The following RBFOX1 variants were observed in gnomAD, a reference collection of about 807,000 sequenced individuals.
RBFOX1 encodes RNA binding fox-1 homolog 1, also known as RNA binding protein fox-1 homolog 1.
RBFOX1 carries 8 observed loss-of-function variants against 57.7 expected under a neutral mutation model. The observed-to-expected ratio is 0.14, with a 90% CI of 0.08 to 0.25. RBFOX1 has a LOEUF of 0.25. Ranked by LOEUF, RBFOX1 falls within the 10% of genes least tolerant of loss-of-function variation. RBFOX1 has a pLI of 1.00. For missense variants in RBFOX1, 611 were observed against 548.5 expected (o/e 1.11, Z -1.14); for synonymous variants, 326 against 222.4 (o/e 1.47, Z -4.15).
chr16:5,470,892 C>T (rs2069112335), intron 2 of RBFOX1, among the ~76,000 whole-genome samples: 1 of 152,116 alleles, frequency 6.6e-6, no homozygotes, highest in Admixed American at 6.5e-5. Context: ...GCTCTCGTCA[C>T]CCAGGCTGGA....
chr16:6,905,181 A>T (rs1023474996), intron 3 of RBFOX1, among the ~76,000 whole-genome samples: 1 of 151,390 alleles, frequency 6.6e-6, no homozygotes. Flanking sequence ...TTCTTTATCC[A>T]TTTTTTTTCT....
At chr16:6,499,730 C>G (rs893059484) in intron 2 of RBFOX1, among the ~76,000 whole-genome samples, 6 of 152,070 alleles carry the variant, frequency 3.9e-5, no homozygotes, top group Non-Finnish European at 7.3e-5. Context: ...ATTGTGCAAT[C>G]TCGTAGGGCA....
chr16:6,842,691 A>G (rs1441341964), intron 3 of RBFOX1, among the ~76,000 whole-genome samples: 2 of 148,252 alleles, frequency 1.3e-5, no homozygotes, highest in Non-Finnish European at 3.0e-5. Flanking sequence ...TCTGGGATAC[A>G]TGTGTAGAAT....
At chr16:7,199,748 G>A (rs2087796667) in intron 4 of RBFOX1, among the ~76,000 whole-genome samples, 1 of 152,128 alleles carries the variant, frequency 6.6e-6, no homozygotes, top group Non-Finnish European at 1.5e-5. Flanking sequence ...ACAAAGATTA[G>A]CTGGGCATGG....
chr16:5,414,580 G>A (rs1420822159), intron 1 of RBFOX1, among the ~76,000 whole-genome samples: 1 of 152,162 alleles, frequency 6.6e-6, no homozygotes, highest in Non-Finnish European at 1.5e-5. Context: ...GGCATCGTGG[G>A]TTGGTGTCCA....
chr16:5,481,599 C>T (rs2069544050), intron 2 of RBFOX1, among the ~76,000 whole-genome samples: 1 of 152,118 alleles, frequency 6.6e-6, no homozygotes, highest in Non-Finnish European at 1.5e-5. Context: ...GCTATTTGTC[C>T]TGTCCTGGGA....
chr16:5,786,048 T>C (rs2054490441), intron 3 of RBFOX1, among the ~76,000 whole-genome samples: 4 of 152,306 alleles, frequency 2.6e-5, no homozygotes, highest in Admixed American at 2.6e-4. Flanking sequence ...GATCATGTCA[T>C]TCCCTGAATT....
At chr16:6,911,079 T>G (rs9940932) in intron 3 of RBFOX1, among the ~76,000 whole-genome samples, 4,113 of 151,888 alleles carry the variant, frequency 0.027, 188 homozygotes, top group African/African-American at 0.095. Context: ...CAGGCACCTG[T>G]AATCCCAGCT....
intron 2 of RBFOX1, among the ~76,000 whole-genome samples, chr16:5,596,621 A>C (rs796562655): frequency 1.3e-5 from 2 of 152,324 alleles, no homozygotes; most frequent in African/African-American, 4.8e-5. Context: ...GCATCTAGTA[A>C]CACTTGGGTC....
intron 14 of RBFOX1, among the ~76,000 whole-genome samples, chr16:7,706,590 A>G (rs1471967782): frequency 6.6e-6 from 1 of 152,204 alleles, no homozygotes; most frequent in Non-Finnish European, 1.5e-5. Flanking sequence ...AAAATAATAT[A>G]TCTGAATTTG....
chr16:7,381,922 G>A (rs1391116499), intron 4 of RBFOX1, among the ~76,000 whole-genome samples: 1 of 152,122 alleles, frequency 6.6e-6, no homozygotes, highest in African/African-American at 2.4e-5. Flanking sequence ...ACACTGTGAT[G>A]CCCAAAGATG....
chr16:7,057,551 T>A (rs2052743116), intron 4 of RBFOX1, among the ~76,000 whole-genome samples: 1 of 152,204 alleles, frequency 6.6e-6, no homozygotes, highest in Non-Finnish European at 1.5e-5. Context: ...TCGTTACAAA[T>A]TCCTGGAAAA....
At chr16:6,768,695 C>CTATATA (rs146864975) in intron 3 of RBFOX1, among the ~76,000 whole-genome samples, 13 of 147,232 alleles carry the variant, frequency 8.8e-5, no homozygotes, top group African/African-American at 3.3e-4. Context: ...ATATATGTAC[C>CTATATA]TATATATATA....
intron 4 of RBFOX1, among the ~76,000 whole-genome samples, chr16:7,464,751 C>T (rs1397377904): frequency 1.6e-5 from 2 of 123,330 alleles, no homozygotes; most frequent in Non-Finnish European, 3.1e-5. Flanking sequence ...GGCTGGAGTG[C>T]AGTCGCGTGA....
chr16:6,876,358 A>G (rs972495017), intron 3 of RBFOX1, among the ~76,000 whole-genome samples: 1 of 152,156 alleles, frequency 6.6e-6, no homozygotes, highest in African/African-American at 2.4e-5. Context: ...TCAAAGAAAA[A>G]TAATATTAAT....
intron 2 of RBFOX1, among the ~76,000 whole-genome samples, chr16:6,383,184 C>G (rs1026291287): frequency 7.9e-5 from 12 of 152,216 alleles, no homozygotes; most frequent in African/African-American, 2.9e-4. Context: ...GAAGATCTGG[C>G]TTTCTTCTTG....
intron 2 of RBFOX1, among the ~76,000 whole-genome samples, chr16:6,571,149 A>G (rs1055125057): frequency 4.6e-5 from 7 of 152,182 alleles, no homozygotes; most frequent in Non-Finnish European, 8.8e-5. Context: ...TTTCAGGCAT[A>G]TAGCCCGTAA....
At chr16:6,765,844 A>C (rs2077249078) in intron 3 of RBFOX1, among the ~76,000 whole-genome samples, 1 of 152,182 alleles carries the variant, frequency 6.6e-6, no homozygotes, top group African/African-American at 2.4e-5. Context: ...AACTTGGATG[A>C]AACTGGAGGT....
chr16:5,346,036 C>G (rs1263956421), intron 1 of RBFOX1, among the ~76,000 whole-genome samples: 1 of 152,188 alleles, frequency 6.6e-6, no homozygotes, highest in African/African-American at 2.4e-5. Context: ...AGTATCTGTG[C>G]TGAGACTTGG....
Sources: gnomAD v4.1 joint callset for allele counts (sites outside exome capture counted in the v4.1 genomes callset) on GRCh38, gnomAD v4.1.1 for gene constraint, MANE v1.5 for transcripts, NCBI Gene and HGNC (gene_info 2026-07-23, HGNC 2026-07-21) for gene names.